DHX30: variants seen among roughly 807,000 people sequenced by gnomAD.
DHX30 encodes the protein ATP-dependent RNA helicase DHX30.
A neutral mutation model predicts 116.9 loss-of-function variants in DHX30; 4 were observed. The observed-to-expected ratio is 0.03, with a 90% CI of 0.02 to 0.08. DHX30 has a LOEUF of 0.08. Among genes scored for constraint, DHX30 ranks in the 10% least tolerant of loss-of-function variants. The pLI is 1.00. For synonymous variants in DHX30, 697 were observed against 651.7 expected (o/e 1.07, Z -1.06); for missense variants, 871 against 1,595.1 (o/e 0.55, Z 7.73).
At chr3:47,839,350 AATGGT>A (rs2037263077) in intron 6 of DHX30, among the ~76,000 whole-genome samples, 1 of 142,332 alleles carries the variant, frequency 7.0e-6, no homozygotes, top group African/African-American at 2.7e-5. Context: ...GCTGGAGTGC[AATGGT>A]GCGATCTCAG....
intron 3 of DHX30, among the ~76,000 whole-genome samples, chr3:47,814,286 A>AAAATAC (rs2035939336): frequency 6.6e-6 from 1 of 151,366 alleles, no homozygotes; most frequent in South Asian, 2.1e-4. Flanking sequence ...AATAAAAATA[A>AAAATAC]AAATCAGCCG....
chr3:47,814,458 A>AT (rs34014986), intron 3 of DHX30, among the ~76,000 whole-genome samples: 7 of 147,890 alleles, frequency 4.7e-5, no homozygotes, highest in Admixed American at 1.4e-4. Flanking sequence ...AGAAAAAAAA[A>AT]TTTTTTTTTC....
At chr3:47,812,235 A>T (rs906623288) in intron 3 of DHX30, among the ~76,000 whole-genome samples, 1 of 151,386 alleles carries the variant, frequency 6.6e-6, no homozygotes, top group African/African-American at 2.4e-5. Context: ...CTCAAAAATA[A>T]ATAAATAAAT....
At chr3:47,819,775 C>G (rs1194684978) in intron 4 of DHX30, among the ~76,000 whole-genome samples, 1 of 152,174 alleles carries the variant, frequency 6.6e-6, no homozygotes, top group Non-Finnish European at 1.5e-5. Context: ...CTCCCTACCT[C>G]CTTGACCCCC....
intron 4 of DHX30, among the ~76,000 whole-genome samples, chr3:47,826,444 CTTTTT>C (rs978485673): frequency 7.5e-6 from 1 of 133,958 alleles, no homozygotes. Flanking sequence ...GGTTTTCTTT[CTTTTT>C]TTTTTTTTTT....
At chr3:47,808,609 T>C (rs1469772385) in intron 2 of DHX30, among the ~76,000 whole-genome samples, 2 of 151,954 alleles carry the variant, frequency 1.3e-5, no homozygotes, top group African/African-American at 2.4e-5. Flanking sequence ...GGAGTCTCGC[T>C]CTGTTGCCCA....
chr3:47,829,312 A>AT (rs1351089403), intron 6 of DHX30, among the ~76,000 whole-genome samples, 178 bp downstream of exon 6: 3,003 of 27,618 alleles, frequency 0.11, 81 homozygotes, highest in Non-Finnish European at 0.18. Flanking sequence ...ATATATATAT[A>AT]TATTTTTTTT....
At chr3:47,849,840 T>G in intron 21 of DHX30, 27 bp from the exon 22 acceptor site, 3 of 1,610,482 alleles carry the variant, frequency 1.9e-6, no homozygotes, top group Non-Finnish European at 1.7e-6. Flanking sequence ...TCACCACAGT[T>G]CCCCACCATC....
intron 4 of DHX30, chr3:47,822,037 A>C (rs1175155531): frequency 6.6e-6 from 1 of 152,260 alleles, no homozygotes; most frequent in Non-Finnish European, 1.5e-5. Flanking sequence ...AGTCATAGAT[A>C]ATAGCAAATA....
intron 4 of DHX30, 111 bp from the exon 5 acceptor site, chr3:47,827,236 G>A: frequency 8.7e-7 from 1 of 1,151,604 alleles, no homozygotes; most frequent in Non-Finnish European, 1.2e-6. Context: ...GGTGGTTTGG[G>A]GTCATGAGCC....
At chr3:47,810,991 C>G (rs1024330834) in intron 3 of DHX30, among the ~76,000 whole-genome samples, 1 of 152,102 alleles carries the variant, frequency 6.6e-6, no homozygotes, top group South Asian at 2.1e-4. Flanking sequence ...CTTCTGTCGC[C>G]CAGGCTGGAG....
intron 21 of DHX30, 25 bp downstream of exon 21, chr3:47,849,794 C>A (rs940093354): frequency 1.2e-6 from 2 of 1,608,150 alleles, no homozygotes; most frequent in African/African-American, 2.7e-5. Context: ...GCCTCCCGCC[C>A]ACCCCGCTCT....
Position 47,841,620 on chromosome 3 carries a change from G to A in DHX30, c.672G>A (p.Gly224=), listed in dbSNP as rs1319191197. ...GTTAAACTTTTGGTCCTCCCAGGGGGAGTTCCTTTGAGATGACAGATGACG... is the reference window on the plus strand; with the variant it reads ...GTTAAACTTTTGGTCCTCCCAGGGGAAGTTCCTTTGAGATGACAGATGACG... ...DSHAPLRDSR[G]SSFEMTDDDS... Residue 224 remains glycine, a synonymous_variant, in exon 8 of 22, where the codon GGG becomes GGA. Transcript: ENST00000445061. 2 of 1,614,252 alleles carry A rather than the reference G, an allele frequency of 1.2e-6. No homozygotes were observed. The highest frequency in any genetic ancestry group is 2.2e-5 in the South Asian group (2 of 91,088).
chr3:47,809,711 C>A (rs1212026840), intron 2 of DHX30, among the ~76,000 whole-genome samples: 1 of 152,100 alleles, frequency 6.6e-6, no homozygotes, highest in African/African-American at 2.4e-5. Context: ...GGTCAGCCCT[C>A]CACTCCCCAC....
intron 21 of DHX30, 26 bp from the exon 22 acceptor site, chr3:47,849,841 C>T: frequency 6.2e-7 from 1 of 1,610,554 alleles, no homozygotes. Flanking sequence ...CACCACAGTT[C>T]CCCACCATCT....
chr3:47,849,982 G>A lies in DHX30; in HGVS notation c.3447G>A (p.Val1149=). The A allele has an allele frequency of 6.2e-7, 1 of 1,612,660 alleles. No homozygotes were observed. Among genetic ancestry groups the A allele is most frequent in the Non-Finnish European group, 8.5e-7 (1 of 1,179,706 alleles). ...KELRRALGRM[V]ERSLRSELAA... is the part of the protein sequence containing the mutation. ...TGCGGCGGGCCCTGGGCCGCATGGT[G>A]GAGCGGAGCCTGCGCAGCGAGCTGG... is the stretch of plus-strand genomic sequence containing the variant. Residue 1149 remains valine (V), a synonymous_variant, in exon 22 of 22, where the codon GTG becomes GTA. Coordinates refer to ENST00000445061, the MANE Select transcript of DHX30 (RefSeq NM_138615.3).
At chr3:47,814,501 C>T (rs2106955121) in intron 3 of DHX30, among the ~76,000 whole-genome samples, 1 of 151,552 alleles carries the variant, frequency 6.6e-6, no homozygotes, top group South Asian at 2.1e-4. Flanking sequence ...GCTTGTAATC[C>T]CAGCACTTTG....
intron 4 of DHX30, chr3:47,824,950 C>T (rs889793820): frequency 4.0e-6 from 2 of 494,210 alleles, no homozygotes; most frequent in African/African-American, 4.1e-5. Flanking sequence ...CCGCCCGGCC[C>T]GCAGGGGGCG....
At chr3:47,845,973 G>A in intron 10 of DHX30, 121 bp downstream of exon 10, 1 of 1,479,388 alleles carries the variant, frequency 6.8e-7, no homozygotes, top group Non-Finnish European at 9.0e-7. Context: ...CTGAGTTTGG[G>A]GCCTGGGATC....
Sources: gnomAD v4.1 joint callset for allele counts (sites outside exome capture counted in the v4.1 genomes callset) on GRCh38, gnomAD v4.1.1 for gene constraint, MANE v1.5 for transcripts, NCBI Gene and HGNC (gene_info 2026-07-23, HGNC 2026-07-21) for gene names.